Variants in IFI27L2 observed in about 807,000 individuals in gnomAD.
IFI27L2 encodes interferon alpha-inducible protein 27-like protein 2.
A neutral mutation model predicts 7.9 loss-of-function variants in IFI27L2; 8 were observed. That is an observed-to-expected ratio of 1.02 (90% CI 0.60 to 1.84). The LOEUF (loss-of-function observed/expected upper bound fraction) is 1.84, where lower values mean the gene tolerates loss of function less well. IFI27L2 is among the 40% of genes most tolerant of loss of function. The pLI is 0.00. For missense variants in IFI27L2, 190 were observed against 165.8 expected, an observed-to-expected ratio of 1.15 and a Z score of -0.80; for synonymous variants, 56 against 66.5, an observed-to-expected ratio of 0.84 and a Z score of 0.77.
At chr14:94,128,764 T>C in intron 2 of IFI27L2, 89 bp from the exon 3 acceptor site, 1 of 1,123,774 alleles carries the variant, frequency 8.9e-7, no homozygotes, top group South Asian at 1.4e-5. Flanking sequence ...CTTGACAGTT[T>C]CCGGAGACTG....
Position 94,128,562 on chromosome 14 carries a change from C to A in IFI27L2, c.151G>T (p.Gly51Trp). The A allele has an allele frequency of 1.2e-6, 2 of 1,614,208 alleles. No individual in the cohort carries two copies. The highest frequency in any genetic ancestry group is 1.1e-5 in the South Asian group (1 of 91,084). ...AGGCTCCCCGCAGAAACACCACCCC[C>A]GTTGGCAATGGCTGCTGCGGACATC... ...KMMSAAAIAN[G>W]GGVSAGSLVA... Residue 51 changes from glycine (G) to tryptophan (W), a missense_variant, in exon 3 of 4, where the codon GGG (glycine) becomes TGG (tryptophan). Transcript: ENST00000238609.
Position 94,127,942 on chromosome 14 carries a change from A to G in IFI27L2, c.250T>C (p.Ser84Pro), listed in dbSNP as rs1161147743. 1 of 1,613,856 alleles carries G rather than the reference A, an allele frequency of 6.2e-7. No homozygotes were observed. Among genetic ancestry groups the G allele is most frequent in the South Asian group, 1.1e-5 (1 of 91,064 alleles). ...TTCCCCAAGCAGGCCCCCAACACTG[A>G]CCCAACAGAGGCCAGGAGGATGTTG... is the stretch of plus-strand genomic sequence containing the variant. Reference protein sequence around the residue: ...SSNILLASVGSVLGACLGNSP... With the variant: ...SSNILLASVGPVLGACLGNSP... Residue 84 changes from serine (S) to proline (P), a missense_variant, in exon 4 of 4, where the codon TCA (serine) becomes CCA (proline). Coordinates refer to ENST00000238609, the MANE Select transcript of IFI27L2 (RefSeq NM_032036.3).
At chr14:94,128,445 G>C (rs1887624607) in intron 3 of IFI27L2, 69 bp downstream of exon 3, 1 of 1,451,916 alleles carries the variant, frequency 6.9e-7, no homozygotes, top group Non-Finnish European at 9.6e-7. Context: ...GGTGAGAAGA[G>C]CTTCCCTCGG....
At chr14:94,128,834 T>G (rs1398567373) in intron 2 of IFI27L2, 159 bp from the exon 3 acceptor site, 2 of 630,868 alleles carry the variant, frequency 3.2e-6, no homozygotes, top group Admixed American at 5.9e-5. Flanking sequence ...AAAGGTGGAG[T>G]GTGGAGCCAG....
intron 2 of IFI27L2, 66 bp from the exon 3 acceptor site, chr14:94,128,741 C>A (rs1165892444): frequency 5.1e-6 from 7 of 1,375,632 alleles, no homozygotes; most frequent in East Asian, 2.5e-5. Context: ...CCCCGCCCCC[C>A]GCTTAGGAAT....
chr14:94,128,469 G>C (rs748233158), intron 3 of IFI27L2, 45 bp downstream of exon 3: 13 of 1,590,124 alleles, frequency 8.2e-6, no homozygotes, highest in Non-Finnish European at 1.0e-5. Context: ...CAGCCTCAGG[G>C]CTGGATCTTC....
Position 94,128,003 on chromosome 14 carries a change from G to A in IFI27L2, c.200-11C>T. Reference sequence around the variant, plus strand: ...AGAGTCCAGCTGCCCCTGTGGAGGAGACAGAGAATGAGCACAGGGGTCGGG... The same window carrying A: ...AGAGTCCAGCTGCCCCTGTGGAGGAAACAGAGAATGAGCACAGGGGTCGGG... On this transcript the variant is annotated splice_polypyrimidine_tract_variant and intron_variant, in intron 3 of 3. Coordinates refer to ENST00000238609, the MANE Select transcript of IFI27L2 (RefSeq NM_032036.3). 6.3e-7 allele frequency: 1 copy of A among 1,597,560 alleles called. No individual in the cohort carries two copies. Among genetic ancestry groups the A allele is most frequent in the Non-Finnish European group, 8.6e-7 (1 of 1,166,624 alleles).
chr14:94,128,798 G>T (rs1887632550), intron 2 of IFI27L2, 123 bp from the exon 3 acceptor site: 2 of 742,582 alleles, frequency 2.7e-6, no homozygotes, highest in Non-Finnish European at 4.3e-6. Flanking sequence ...TACAGAGATG[G>T]CAACTTAGTG....
chr14:94,128,181 A>T (rs1297018735), intron 3 of IFI27L2, among the ~76,000 whole-genome samples, 189 bp from the exon 4 acceptor site: 3 of 152,120 alleles, frequency 2.0e-5, no homozygotes, highest in Admixed American at 2.0e-4. Context: ...CCACAGACAG[A>T]CCCTAAGAGC....
chr14:94,128,417 A>T, intron 3 of IFI27L2, 97 bp downstream of exon 3: 1 of 1,090,636 alleles, frequency 9.2e-7, no homozygotes, highest in Non-Finnish European at 1.4e-6. Flanking sequence ...CAGGAAGCTG[A>T]GGGTCACGGA....
intron 2 of IFI27L2, 84 bp from the exon 3 acceptor site, chr14:94,128,759 C>T: frequency 8.4e-7 from 1 of 1,183,636 alleles, no homozygotes; most frequent in South Asian, 1.4e-5. Context: ...AATTCCTTGA[C>T]AGTTTCCGGA....
In IFI27L2 at chr14:94,128,451, C is replaced by T. The variant is rs74588139; in HGVS notation, c.199+63G>A. The T allele has an allele frequency of 7.7e-3, 11,726 of 1,515,398 alleles. 710 individuals are homozygous for T. In the African/African-American group the frequency reaches 0.13, roughly 17 times the overall value. 93.9% of individuals were successfully genotyped at this position (1,515,398 alleles called of 1,614,324 possible). A position where few individuals can be genotyped will look rare whatever the true frequency, so the allele number is the denominator to read the frequency against. Reference sequence around the variant, plus strand: ...GAACTTCAGGGTGAGAAGAGCTTCCCTCGGGCTCAGCCTCAGGGCTGGATC... The same window carrying T: ...GAACTTCAGGGTGAGAAGAGCTTCCTTCGGGCTCAGCCTCAGGGCTGGATC... On this transcript the variant is annotated intron_variant, in intron 3 of 3. Transcript: ENST00000238609.
chr14:94,128,975 G>A (rs905178038), intron 2 of IFI27L2: 1 of 568,226 alleles, frequency 1.8e-6, no homozygotes, highest in Non-Finnish European at 3.1e-6. Context: ...GTGTGTGTGT[G>A]TCCACGCATA....
chr14:94,129,460 G>A lies in IFI27L2; in HGVS notation c.7+98C>T, dbSNP rs1887645489. 7.1e-6 allele frequency: 9 copies of A among 1,269,526 alleles called. No homozygotes were observed. The Admixed American group carries it at 1.5e-4, about 22-fold the overall frequency. The allele number at this position is 1,269,526 out of a possible 1,614,324, so 78.6% of individuals were successfully genotyped here. On this transcript the variant is annotated intron_variant, in intron 1 of 3. Transcript: ENST00000238609. Reference sequence around the variant, plus strand: ...GTCAGTAGGTCAGCTGGTTGATGAAGTCAGGGAATGAAGCTATTCCCTGTC... The same window carrying A: ...GTCAGTAGGTCAGCTGGTTGATGAAATCAGGGAATGAAGCTATTCCCTGTC...
In IFI27L2 at chr14:94,129,559, C is replaced by T. The variant is rs1339269884; in HGVS notation, c.6G>A (p.Met2Ile). The T allele has an allele frequency of 3.7e-6, 6 of 1,613,780 alleles. No individual in the cohort carries two copies. Among genetic ancestry groups the T allele is most frequent in the Non-Finnish European group, 5.1e-6 (6 of 1,179,768 alleles). Residue 2 changes from methionine to isoleucine, a missense_variant and splice_region_variant, in exon 1 of 4, where the codon ATG becomes ATA. Met to Ile is a conservative substitution (Grantham distance 10). Coordinates refer to ENST00000238609, the MANE Select transcript of IFI27L2 (RefSeq NM_032036.3). MMKRAAAAAVGG... is the reference protein window; with the variant it reads MIKRAAAAAVGG... ...GCCCCCTGGGGAAGCAAGACTCACT[C>T]ATCATGGTGAGGCCGTCCGGGTCCC...
chr14:94,128,732 C>T lies in IFI27L2; in HGVS notation c.38-57G>A, dbSNP rs764881545. 2.7e-4 allele frequency: 382 copies of T among 1,432,812 alleles called. 1 individual carries two copies. The highest frequency in any genetic ancestry group is 4.3e-5 in the Non-Finnish European group (45 of 1,050,754). 88.8% of individuals were successfully genotyped at this position (1,432,812 alleles called of 1,614,324 possible). A position where few individuals can be genotyped will look rare whatever the true frequency, so the allele number is the denominator to read the frequency against. The stretch of plus-strand genomic sequence containing the variant: ...GGGCTCAGGAGAAGGGACCCTTCCC[C>T]CCGCCCCCCGCTTAGGAATTCCTTG... On this transcript the variant is annotated intron_variant, in intron 2 of 3. Coordinates refer to ENST00000238609, the MANE Select transcript of IFI27L2 (RefSeq NM_032036.3).
intron 2 of IFI27L2, chr14:94,128,880 C>A (rs1349081548): frequency 6.6e-6 from 4 of 601,672 alleles, no homozygotes; most frequent in Admixed American, 5.9e-5. Flanking sequence ...CCAGCCATGG[C>A]CCTGGTTTGT....
intron 1 of IFI27L2, 38 bp downstream of exon 1, chr14:94,129,520 A>G: frequency 6.2e-7 from 1 of 1,602,192 alleles, no homozygotes; most frequent in Non-Finnish European, 8.5e-7. Flanking sequence ...GCCTGCCCCC[A>G]GCCCAGCCCG....
In IFI27L2 at chr14:94,128,945, TTGTGTGTGTGTG is replaced by T. The variant is rs60745025; in HGVS notation, c.38-282_38-271del. On this transcript the variant is annotated intron_variant, in intron 2 of 3. Transcript: ENST00000238609. ...TCAATACCCTTCATTGGTCTCAAAT[TTGTGTGTGTGTG>T]TGTGTGTGTGTGTGTGTGTCCACGC... 65 of 532,846 alleles carry T rather than the reference TTGTGTGTGTGTG, an allele frequency of 1.2e-4. No individual in the cohort carries two copies. The South Asian group carries it at 1.3e-3, about 11-fold the overall frequency. The allele number at this position is 532,846 out of a possible 1,614,324, so 33.0% of individuals were successfully genotyped here. A position where few individuals can be genotyped will look rare whatever the true frequency, so the allele number is the denominator to read the frequency against.
Sources: gnomAD v4.1 joint callset for allele counts (sites outside exome capture counted in the v4.1 genomes callset) on GRCh38, gnomAD v4.1.1 for gene constraint, MANE v1.5 for transcripts, NCBI Gene and HGNC (gene_info 2026-07-23, HGNC 2026-07-21) for gene names.